Variants in ARHGAP24 observed in about 807,000 individuals in gnomAD.
ARHGAP24 encodes rho GTPase-activating protein 24.
ARHGAP24 carries 50 observed loss-of-function variants against 76.4 expected under a neutral mutation model. The ratio of observed to expected loss-of-function variants is 0.65; its 90% CI spans 0.52 to 0.83. The LOEUF (loss-of-function observed/expected upper bound fraction) is 0.83. Among genes scored for constraint, ARHGAP24 ranks in the 40% least tolerant of loss-of-function variants. The pLI is 0.00. For synonymous variants in ARHGAP24, 345 were observed against 323.3 expected (o/e 1.07, Z -0.72); for missense variants, 930 against 914.2 (o/e 1.02, Z -0.22).
chr4:85,820,621 GAATCTA>G (rs1389015772), intron 3 of ARHGAP24, among the ~76,000 whole-genome samples: 1 of 152,096 alleles, frequency 6.6e-6, no homozygotes, highest in Non-Finnish European at 1.5e-5. Flanking sequence ...TATATACCCT[GAATCTA>G]AAGTAAAAGT....
At chr4:85,621,608 G>C (rs1444108579) in intron 2 of ARHGAP24, among the ~76,000 whole-genome samples, 1 of 151,780 alleles carries the variant, frequency 6.6e-6, no homozygotes, top group African/African-American at 2.4e-5. Context: ...CTTTTTAATG[G>C]AGTTATTTTT....
At chr4:85,532,916 T>C (rs1017570064) in intron 1 of ARHGAP24, among the ~76,000 whole-genome samples, 6 of 152,112 alleles carry the variant, frequency 3.9e-5, no homozygotes, top group African/African-American at 1.4e-4. Context: ...CAGCTCTCAA[T>C]AGGCAAAAGC....
At chr4:85,545,144 G>A (rs1450389697) in intron 1 of ARHGAP24, among the ~76,000 whole-genome samples, 1 of 151,684 alleles carries the variant, frequency 6.6e-6, no homozygotes, top group Admixed American at 6.6e-5. Flanking sequence ...TTGTCGCCCA[G>A]GCTGGAATGC....
rs530841015 is a variant in ARHGAP24, at chr4:85,544,058, C to T, written c.-20-26464C>T. ...TCTCCATGCTAAACAGCTTTGTTCT[C>T]CTCCCACTGCCAGCCTTTTGCCTCT... On this transcript the variant is annotated intron_variant, in intron 1 of 9. Coordinates refer to ENST00000395184, the MANE Select transcript of ARHGAP24 (RefSeq NM_001025616.3). Among the ~76,000 whole-genome samples the T allele has an allele frequency of 3.9e-5, 6 of 152,304 alleles. No homozygotes were observed. In the South Asian group the frequency reaches 1.0e-3, roughly 26 times the overall value.
chr4:85,938,794 G>A (rs1736795478), intron 4 of ARHGAP24, among the ~76,000 whole-genome samples: 1 of 151,882 alleles, frequency 6.6e-6, no homozygotes, highest in Non-Finnish European at 1.5e-5. Context: ...TTGGGGGGCA[G>A]CATGCTCATT....
At chr4:85,570,864 T>C in intron 2 of ARHGAP24, 143 bp downstream of exon 2, 1 of 956,340 alleles carries the variant, frequency 1.0e-6, no homozygotes, top group Non-Finnish European at 1.6e-6. Context: ...TTTTACCCAT[T>C]GCTTGCTTTG....
chr4:85,577,876 A>AG (rs2109969160), intron 2 of ARHGAP24, among the ~76,000 whole-genome samples: 1 of 152,232 alleles, frequency 6.6e-6, no homozygotes, highest in Admixed American at 6.5e-5. Context: ...CCCTTTTGTA[A>AG]GTTGTTAGAA....
chr4:85,486,376 G>A (rs1055371436), intron 1 of ARHGAP24, among the ~76,000 whole-genome samples: 2 of 152,106 alleles, frequency 1.3e-5, no homozygotes, highest in Admixed American at 6.5e-5. Context: ...ATGATGGTCC[G>A]TCACTACAAT....
At chr4:85,826,768 A>G (rs1436153638) in intron 3 of ARHGAP24, among the ~76,000 whole-genome samples, 1 of 152,182 alleles carries the variant, frequency 6.6e-6, no homozygotes, top group African/African-American at 2.4e-5. Flanking sequence ...ATAGATTACA[A>G]AACTGACACC....
intron 1 of ARHGAP24, 143 bp downstream of exon 1, chr4:85,475,702 CT>C (rs1722563042): frequency 5.6e-4 from 1 of 1,786 alleles, no homozygotes; most frequent in Admixed American, 9.3e-3. Context: ...GGGGAGGGGG[CT>C]GCGGGGGGCG....
chr4:85,694,305 A>T (rs1723789516), intron 2 of ARHGAP24, among the ~76,000 whole-genome samples: 1 of 152,074 alleles, frequency 6.6e-6, no homozygotes. Context: ...GTGTTAAGGC[A>T]GGAGAAACTT....
At chr4:85,808,246 G>C (rs1728873762) in intron 3 of ARHGAP24, among the ~76,000 whole-genome samples, 1 of 152,162 alleles carries the variant, frequency 6.6e-6, no homozygotes, top group African/African-American at 2.4e-5. Flanking sequence ...GGGATTATAA[G>C]CAGGCATTTT....
chr4:85,762,484 C>T (rs1381688990), intron 3 of ARHGAP24, among the ~76,000 whole-genome samples: 3 of 152,140 alleles, frequency 2.0e-5, no homozygotes, highest in East Asian at 1.9e-4. Flanking sequence ...CATAAGCTAA[C>T]AAATATTATT....
intron 3 of ARHGAP24, chr4:85,827,718 C>T: frequency 3.0e-6 from 1 of 338,512 alleles, no homozygotes; most frequent in Non-Finnish European, 5.8e-6. Context: ...TTGTGGTCAC[C>T]TTGTGGTGAC....
At chr4:85,507,692 G>C (rs1466797189) in intron 1 of ARHGAP24, among the ~76,000 whole-genome samples, 2 of 152,300 alleles carry the variant, frequency 1.3e-5, no homozygotes, top group Middle Eastern at 3.4e-3. Context: ...GTTGTGGAAG[G>C]TGTTTGCATG....
At chr4:85,973,506 T>A (rs377007348) in intron 6 of ARHGAP24, among the ~76,000 whole-genome samples, 18 of 152,324 alleles carry the variant, frequency 1.2e-4, no homozygotes, top group African/African-American at 4.1e-4. Flanking sequence ...ATGGTGTCCT[T>A]TGAAACACAA....
intron 2 of ARHGAP24, among the ~76,000 whole-genome samples, chr4:85,621,227 A>T (rs1428976980): frequency 6.6e-6 from 1 of 152,070 alleles, no homozygotes; most frequent in Admixed American, 6.6e-5. Flanking sequence ...TCTGTGATAA[A>T]CATACTAGTA....
intron 2 of ARHGAP24, among the ~76,000 whole-genome samples, chr4:85,655,822 G>GAGAGAGAGAA (rs1553920548): frequency 5.8e-4 from 63 of 107,844 alleles, no homozygotes; most frequent in African/African-American, 2.2e-3. Flanking sequence ...GAGAGAAAGA[G>GAGAGAGAGAA]AGAGAGAGAG....
At chr4:85,485,068 G>GGC (rs1237527680) in intron 1 of ARHGAP24, among the ~76,000 whole-genome samples, 1 of 151,746 alleles carries the variant, frequency 6.6e-6, no homozygotes, top group African/African-American at 2.4e-5. Context: ...CCTGGGGCCA[G>GGC]GCGCACTGGC....
Sources: allele counts gnomAD v4.1 joint callset (sites outside exome capture counted in the v4.1 genomes callset), GRCh38; gene constraint gnomAD v4.1.1; transcripts MANE v1.5; gene names NCBI Gene and HGNC (gene_info 2026-07-23, HGNC 2026-07-21).